AP2A2: variants seen among roughly 807,000 people sequenced by gnomAD.
AP2A2 encodes adaptor related protein complex 2 subunit alpha 2, also known as AP-2 complex subunit alpha-2.
Under a neutral mutation model 104.2 loss-of-function variants are expected in AP2A2, and 32 were observed. The ratio of observed to expected loss-of-function variants is 0.31; its 90% confidence interval spans 0.23 to 0.41. The LOEUF (loss-of-function observed/expected upper bound fraction) is 0.41. AP2A2 is among the 10% of genes least tolerant of loss of function. The pLI, the probability that AP2A2 is intolerant of heterozygous loss-of-function variation, is 1.00. For synonymous variants in AP2A2, 539 were observed against 533.3 expected (o/e 1.01, Z -0.15); for missense variants, 912 against 1,261.0 (o/e 0.72, Z 4.19).
At chr11:981,112 T>G in intron 5 of AP2A2, 86 bp from the exon 6 acceptor site, 2 of 1,134,642 alleles carry the variant, frequency 1.8e-6, no homozygotes, top group Non-Finnish European at 2.5e-6. Flanking sequence ...GTGCTGCTGG[T>G]TGGTTTAAGG....
At chr11:953,819 C>G (rs985805100) in intron 1 of AP2A2, among the ~76,000 whole-genome samples, 2 of 151,206 alleles carry the variant, frequency 1.3e-5, no homozygotes, top group African/African-American at 4.9e-5. Flanking sequence ...TGACACTACT[C>G]TTCTCTCTAC....
intron 2 of AP2A2, among the ~76,000 whole-genome samples, chr11:967,616 T>A (rs945543849): frequency 6.6e-6 from 1 of 152,126 alleles, no homozygotes; most frequent in African/African-American, 2.4e-5. Context: ...TGCCTCAGCC[T>A]CCCAAAGTGC....
In AP2A2 at chr11:1,011,475, A is replaced by AG; in HGVS notation, c.*854dup. 2.0e-6 allele frequency: 1 copy of AG among 498,452 alleles called. No homozygotes were observed. The highest frequency in any genetic ancestry group is 1.5e-5 in the South Asian group (1 of 68,886). 30.9% of individuals were successfully genotyped at this position (498,452 alleles called of 1,614,324 possible). A position where few individuals can be genotyped will look rare whatever the true frequency, so the allele number is the denominator to read the frequency against. ...ACCGGCCCCGTCCAGTCGTCCCTGG[A>AG]GGGGCTGTGGAGGAGGGACGCCTCT... On this transcript the variant is annotated 3_prime_UTR_variant, in exon 22 of 22. Transcript: ENST00000448903.
At chr11:998,551 G>C (rs567297855) in intron 14 of AP2A2, among the ~76,000 whole-genome samples, 1 of 152,208 alleles carries the variant, frequency 6.6e-6, no homozygotes, top group South Asian at 2.1e-4. Flanking sequence ...TAGATGTCCA[G>C]TGGAACATTC....
At chr11:970,373 G>A (rs7394436) in intron 3 of AP2A2, 62 bp downstream of exon 3, 8 of 1,578,692 alleles carry the variant, frequency 5.1e-6, no homozygotes, top group Non-Finnish European at 6.9e-6. Flanking sequence ...ACTGAGGCCC[G>A]GTGCCCGTGT....
chr11:985,157 C>T (rs1239245697), intron 7 of AP2A2, among the ~76,000 whole-genome samples: 4 of 152,070 alleles, frequency 2.6e-5, no homozygotes, highest in Non-Finnish European at 4.4e-5. Context: ...CTAACTTTTG[C>T]GTTTTTGTAG....
intron 1 of AP2A2, among the ~76,000 whole-genome samples, chr11:954,179 G>A (rs1056543188): frequency 6.6e-6 from 1 of 152,148 alleles, no homozygotes; most frequent in Admixed American, 6.5e-5. Flanking sequence ...GGCCGTTGGT[G>A]GCTTTCCTTT....
At chr11:929,620 CCT>C (rs1430091799) in intron 1 of AP2A2, among the ~76,000 whole-genome samples, 1 of 152,160 alleles carries the variant, frequency 6.6e-6, no homozygotes, top group Non-Finnish European at 1.5e-5. Flanking sequence ...TAGTGAGACC[CCT>C]GTCTTTTCAA....
Position 968,811 on chromosome 11 carries a change from G to A in AP2A2, c.137-1358G>A, listed in dbSNP as rs920064137. ...GGCCGGGGGAGGGAGGAACCAGGTC[G>A]GGTCTGCTTTTATTTATATCATCTG... is the stretch of plus-strand genomic sequence containing the variant. On this transcript the variant is annotated intron_variant, in intron 2 of 21. Transcript: ENST00000448903. The surrounding 1 kb of genome is among the most constrained non-coding windows in gnomAD (Gnocchi z 4.2). Among the ~76,000 whole-genome samples the A allele has an allele frequency of 2.6e-5, 4 of 152,124 alleles. No individual in the cohort carries two copies. Among genetic ancestry groups the A allele is most frequent in the African/African-American group, 7.2e-5 (3 of 41,416 alleles).
At chr11:952,049 T>C (rs1231526656) in intron 1 of AP2A2, among the ~76,000 whole-genome samples, 1 of 152,130 alleles carries the variant, frequency 6.6e-6, no homozygotes, top group Non-Finnish European at 1.5e-5. Context: ...AAAAATTATT[T>C]ATGGAGACCA....
chr11:1,010,798 G>A lies in AP2A2; in HGVS notation c.*173G>A. On this transcript the variant is annotated 3_prime_UTR_variant, in exon 22 of 22. Transcript: ENST00000448903. Reference sequence around the variant, plus strand: ...GGGCTGGACGGGAACACACGTGTGTGGCTCAGGAGGAAAAGCTCAGCCTGG... The same window carrying A: ...GGGCTGGACGGGAACACACGTGTGTAGCTCAGGAGGAAAAGCTCAGCCTGG... 1.5e-6 allele frequency: 1 copy of A among 678,314 alleles called. No individual in the cohort carries two copies. Among genetic ancestry groups the A allele is most frequent in the Non-Finnish European group, 2.7e-6 (1 of 373,662 alleles). 42.0% of individuals were successfully genotyped at this position (678,314 alleles called of 1,614,324 possible). A position where few individuals can be genotyped will look rare whatever the true frequency, so the allele number is the denominator to read the frequency against.
Position 993,869 on chromosome 11 carries a change from C to T in AP2A2, c.1666C>T (p.Pro556Ser), listed in dbSNP as rs897441801. ...KFVNLFPEVKPTIQDVLRSDS... is the reference protein window; with the variant it reads ...KFVNLFPEVKSTIQDVLRSDS... ...CGTGAACCTCTTCCCGGAGGTGAAG[C>T]CCACCATCCAGGACGTGCTGCGCAG... The change falls in exon 13 of 22, where the codon CCC (proline) becomes TCC (serine). Residue 556 changes from proline to serine, a missense_variant. Pro to Ser is a moderately conservative substitution (Grantham distance 74). Transcript: ENST00000448903. This position sits in a 1 kb window ranked among gnomAD's most constrained non-coding sequence, Gnocchi z 8.2. 1.9e-6 allele frequency: 3 copies of T among 1,609,994 alleles called. No homozygotes were observed. The African/African-American group carries it at 4.0e-5, about 21-fold the overall frequency.
chr11:976,982 G>T, intron 4 of AP2A2, 113 bp from the exon 5 acceptor site: 1 of 1,455,824 alleles, frequency 6.9e-7, no homozygotes, highest in Non-Finnish European at 9.3e-7. Flanking sequence ...GTGCTGTCTT[G>T]GCCCCTGCGC....
At position 1,000,494 on chromosome 11, in the gene AP2A2, C is replaced by T. The variant is rs748700710; in HGVS notation, c.2019C>T (p.Gly673=). Residue 673 remains glycine (G), a synonymous_variant, in exon 15 of 22, where the codon GGC becomes GGT. Coordinates refer to ENST00000448903, the MANE Select transcript of AP2A2 (RefSeq NM_012305.4). ...GGGCTGCCCCCCCTGCCCCCGCGGG[C>T]CCCCCACCCTCCTCCGGCGGCAGCG... is the stretch of plus-strand genomic sequence containing the variant. ...GLGAAPPAPA[G]PPPSSGGSGL... is the part of the protein sequence containing the mutation. 2.1e-5 allele frequency: 33 copies of T among 1,539,800 alleles called. No individual in the cohort carries two copies. The highest frequency in any genetic ancestry group is 1.1e-4 in the African/African-American group (8 of 73,082).
chr11:982,800 C>T (rs1010688035), intron 6 of AP2A2, among the ~76,000 whole-genome samples: 5 of 150,308 alleles, frequency 3.3e-5, no homozygotes, highest in African/African-American at 1.2e-4. Flanking sequence ...AACAGGCGCC[C>T]GCCAGCACGC....
chr11:976,995 G>A, intron 4 of AP2A2, 100 bp from the exon 5 acceptor site: 2 of 1,530,144 alleles, frequency 1.3e-6, no homozygotes, highest in East Asian at 2.4e-5. Flanking sequence ...CCCTGCGCCA[G>A]CCCCACCCCC....
At chr11:994,433 TG>T (rs1488315595) in intron 14 of AP2A2, among the ~76,000 whole-genome samples, 188 bp downstream of exon 14, 21 of 110,758 alleles carry the variant, frequency 1.9e-4, no homozygotes, top group African/African-American at 7.2e-4. Context: ...TGTCCTGTCC[TG>T]GGGGCCACTG....
At chr11:932,252 C>T (rs1853315197) in intron 1 of AP2A2, among the ~76,000 whole-genome samples, 1 of 152,180 alleles carries the variant, frequency 6.6e-6, no homozygotes. Flanking sequence ...TGTGCCTGGC[C>T]ATTTCTGTTA....
chr11:996,986 T>A (rs1177094437), intron 14 of AP2A2, among the ~76,000 whole-genome samples: 1 of 151,866 alleles, frequency 6.6e-6, no homozygotes, highest in Non-Finnish European at 1.5e-5. Context: ...TCCTGTGCTT[T>A]CCAATCTGTT....
Sources: gnomAD v4.1 joint callset for allele counts (sites outside exome capture counted in the v4.1 genomes callset) on GRCh38, gnomAD v4.1.1 for gene constraint, Gnocchi (gnomAD v3.1) non-coding constraint, MANE v1.5 for transcripts, NCBI Gene and HGNC (gene_info 2026-07-23, HGNC 2026-07-21) for gene names.